The following ZFAND1 variants were observed in gnomAD, a reference collection of about 807,000 sequenced individuals.
ZFAND1 encodes zinc finger AN1-type containing 1.
Under a neutral mutation model 38.5 loss-of-function variants are expected in ZFAND1, and 40 were observed. The observed-to-expected ratio is 1.04, with a 90% confidence interval of 0.81 to 1.35. The LOEUF (loss-of-function observed/expected upper bound fraction) is 1.35. ZFAND1 is among the 40% of genes most tolerant of loss of function. ZFAND1 has a pLI of 0.00. For synonymous variants in ZFAND1, 117 were observed against 103.6 expected (o/e 1.13, Z -0.78); for missense variants, 346 against 316.3 (o/e 1.09, Z -0.71).
At chr8:81,719,197 AGTGGCTTAAGCCT>A (rs1410455974) in intron 1 of ZFAND1, among the ~76,000 whole-genome samples, 1 of 152,058 alleles carries the variant, frequency 6.6e-6, no homozygotes, top group Non-Finnish European at 1.5e-5. Context: ...GGCCAGGCAC[AGTGGCTTAAGCCT>A]GTAATCCCAG....
At chr8:81,713,257 GGAC>G (rs1808195670) in intron 6 of ZFAND1, among the ~76,000 whole-genome samples, 2 of 93,662 alleles carry the variant, frequency 2.1e-5, no homozygotes, top group Admixed American at 1.2e-4. Context: ...CGAGTAGCTG[GGAC>G]TACAGGCGCC....
chr8:81,718,361 T>G (rs753624904), intron 1 of ZFAND1, 137 bp from the exon 2 acceptor site: 1 of 496,738 alleles, frequency 2.0e-6, no homozygotes, highest in Non-Finnish European at 3.5e-6. Flanking sequence ...GTAACCACTC[T>G]AACAAAATTA....
chr8:81,706,652 T>C (rs1807993054), intron 6 of ZFAND1, among the ~76,000 whole-genome samples: 1 of 151,928 alleles, frequency 6.6e-6, no homozygotes, highest in African/African-American at 2.4e-5. Flanking sequence ...GTATGAAAAA[T>C]GAAATAATGA....
At chr8:81,717,131 C>A in intron 3 of ZFAND1, 118 bp downstream of exon 3, 1 of 715,506 alleles carries the variant, frequency 1.4e-6, no homozygotes, top group South Asian at 2.5e-5. Context: ...TTTACCTAAT[C>A]AGTTTAGTAT....
intron 1 of ZFAND1, among the ~76,000 whole-genome samples, chr8:81,719,981 T>C (rs1217195047): frequency 6.6e-6 from 1 of 152,210 alleles, no homozygotes; most frequent in African/African-American, 2.4e-5. Context: ...GATAGATGGC[T>C]ATAAGTAACA....
rs1260180792 is a variant in ZFAND1 at position 81,721,299 on chromosome 8, G to A, written c.-18C>T. 1.9e-6 allele frequency: 3 copies of A among 1,547,386 alleles called. No individual in the cohort carries two copies. Among genetic ancestry groups the A allele is most frequent in the Middle Eastern group, 1.8e-4 (1 of 5,558 alleles). Reference sequence around the variant, plus strand: ...TCCGCCATCTCTCCGGCGCCGTAAGGGGCGGGGCAAAGCCTGAGGGGCGGG... The same window carrying A: ...TCCGCCATCTCTCCGGCGCCGTAAGAGGCGGGGCAAAGCCTGAGGGGCGGG... On this transcript the variant is annotated 5_prime_UTR_variant, in exon 1 of 8. Coordinates refer to ENST00000220669, the MANE Select transcript of ZFAND1 (RefSeq NM_024699.3).
At chr8:81,718,690 T>C (rs1808383666) in intron 1 of ZFAND1, among the ~76,000 whole-genome samples, 2 of 149,334 alleles carry the variant, frequency 1.3e-5, no homozygotes, top group Admixed American at 1.3e-4. Flanking sequence ...TTTATATCTG[T>C]GTACTAATAT....
At chr8:81,713,875 T>C in intron 6 of ZFAND1, 43 bp downstream of exon 6, 1 of 1,603,962 alleles carries the variant, frequency 6.2e-7, no homozygotes, top group Non-Finnish European at 8.5e-7. Flanking sequence ...GGACTTCAAC[T>C]ATATTTGAAA....
chr8:81,716,663 C>G (rs1031838552), intron 3 of ZFAND1, among the ~76,000 whole-genome samples: 2 of 152,088 alleles, frequency 1.3e-5, no homozygotes, highest in East Asian at 3.9e-4. Context: ...AAATATATAG[C>G]CTTGGCTGGG....
intron 6 of ZFAND1, among the ~76,000 whole-genome samples, chr8:81,710,215 G>C (rs993525513): frequency 6.6e-6 from 1 of 152,150 alleles, no homozygotes; most frequent in Admixed American, 6.5e-5. Context: ...GAGCAAAACT[G>C]CTTTCAGTTA....
rs1355751085 is a variant in ZFAND1, at chr8:81,721,229, C to T, written c.53G>A (p.Arg18Gln). 6.5e-7 allele frequency: 1 copy of T among 1,548,362 alleles called. No individual in the cohort carries two copies. Among genetic ancestry groups the T allele is most frequent in the South Asian group, 1.2e-5 (1 of 84,008 alleles). The change falls in exon 1 of 8, where the codon CGA becomes CAA. Residue 18 changes from arginine to glutamine, a missense_variant and splice_region_variant. Arg to Gln is a conservative substitution (Grantham distance 43). Coordinates refer to ENST00000220669, the MANE Select transcript of ZFAND1 (RefSeq NM_024699.3). ...QHCQVEHCRQRDFLPFVCDDC... is the reference protein window; with the variant it reads ...QHCQVEHCRQQDFLPFVCDDC... Reference sequence around the variant, plus strand: ...GGGGCTGGAAGCTCCCGGATCACCTCGCTGCCGGCAATGCTCCACCTGGCA... The same window carrying T: ...GGGGCTGGAAGCTCCCGGATCACCTTGCTGCCGGCAATGCTCCACCTGGCA...
Position 81,714,106 on chromosome 8 carries a change from CTT to C in ZFAND1, c.359-69_359-68del, listed in dbSNP as rs1808227782. The C allele has an allele frequency of 1.9e-5, 26 of 1,403,158 alleles. No homozygotes were observed. In the South Asian group the frequency reaches 3.6e-4, roughly 20 times the overall value. The allele number at this position is 1,403,158 out of a possible 1,614,324, so 86.9% of individuals were successfully genotyped here. A position where few individuals can be genotyped will look rare whatever the true frequency, so the allele number is the denominator to read the frequency against. ...ACAAATAGAATTTTATTATAATACA[CTT>C]ATTAATTATGGCTCAGAAACATATA... On this transcript the variant is annotated intron_variant, in intron 5 of 7. Coordinates refer to ENST00000220669, the MANE Select transcript of ZFAND1 (RefSeq NM_024699.3).
chr8:81,708,746 A>G (rs1441726348), intron 6 of ZFAND1: 2 of 1,158,344 alleles, frequency 1.7e-6, no homozygotes, highest in East Asian at 8.4e-5. Context: ...GTTTGGCCAC[A>G]AGAGGCAGTA....
At chr8:81,707,675 A>G (rs1194146297) in intron 6 of ZFAND1, among the ~76,000 whole-genome samples, 2 of 152,252 alleles carry the variant, frequency 1.3e-5, no homozygotes, top group Non-Finnish European at 2.9e-5. Context: ...TCAGATATAG[A>G]ACATTCTATA....
chr8:81,713,822 G>A (rs1314953692), intron 6 of ZFAND1, 96 bp downstream of exon 6: 3 of 1,221,268 alleles, frequency 2.5e-6, no homozygotes, highest in South Asian at 1.3e-5. Flanking sequence ...TACATACCAG[G>A]TTTAGGTTAG....
intron 6 of ZFAND1, among the ~76,000 whole-genome samples, chr8:81,710,076 C>A (rs980741447): frequency 6.6e-6 from 1 of 152,168 alleles, no homozygotes; most frequent in Admixed American, 6.5e-5. Context: ...TCTCTGTTGT[C>A]GGCCTTGTCC....
At chr8:81,714,162 G>C in intron 5 of ZFAND1, 123 bp from the exon 6 acceptor site, 1 of 903,532 alleles carries the variant, frequency 1.1e-6, no homozygotes, top group Non-Finnish European at 1.6e-6. Context: ...GATATACAGA[G>C]ACCACATTCA....
chr8:81,708,484 A>G (rs1204406632), intron 6 of ZFAND1, among the ~76,000 whole-genome samples: 2 of 152,168 alleles, frequency 1.3e-5, no homozygotes, highest in Non-Finnish European at 2.9e-5. Flanking sequence ...AGGAGCTCCT[A>G]TAAGTTGACC....
In ZFAND1 at chr8:81,701,849, T is replaced by C. The variant is rs1807821377; in HGVS notation, c.*846A>G. On this transcript the variant is annotated 3_prime_UTR_variant, in exon 8 of 8. Transcript: ENST00000220669. Reference sequence around the variant, plus strand: ...CATTCTGTCTATATAGTAGTAGTTTTGGGGGTATAGATAGTAAACACTAGT... The same window carrying C: ...CATTCTGTCTATATAGTAGTAGTTTCGGGGGTATAGATAGTAAACACTAGT... The C allele has an allele frequency of 1.3e-5, 2 of 152,212 alleles. No homozygotes were observed. Among genetic ancestry groups the C allele is most frequent in the African/African-American group, 4.8e-5 (2 of 41,462 alleles). 9.4% of individuals were successfully genotyped at this position (152,212 alleles called of 1,614,324 possible).
Sources: gnomAD v4.1 joint callset for allele counts (sites outside exome capture counted in the v4.1 genomes callset) on GRCh38, gnomAD v4.1.1 for gene constraint, MANE v1.5 for transcripts, NCBI Gene and HGNC (gene_info 2026-07-23, HGNC 2026-07-21) for gene names.